The following KANK1 variants were observed in gnomAD, a reference collection of about 807,000 sequenced individuals.
KANK1 encodes the protein KN motif and ankyrin repeat domain-containing protein 1.
KANK1 carries 109 observed loss-of-function variants against 106.2 expected under a neutral mutation model. That is an observed-to-expected ratio of 1.03 (90% CI 0.88 to 1.20). KANK1 has a LOEUF of 1.20. KANK1 is among the 50% of genes most tolerant of loss of function. KANK1 has a pLI of 0.00. For missense variants in KANK1, 2,399 were observed against 1,710.7 expected (o/e 1.40, Z -7.10); for synonymous variants, 873 against 652.2 (o/e 1.34, Z -5.16).
At chr9:705,392 A>G (rs1022802540) in intron 2 of KANK1, among the ~76,000 whole-genome samples, 14 of 152,134 alleles carry the variant, frequency 9.2e-5, no homozygotes, top group African/African-American at 3.4e-4. Flanking sequence ...AGGACGAGGC[A>G]GGAGAATCCC....
At chr9:587,691 C>A (rs1447285272) in intron 1 of KANK1, among the ~76,000 whole-genome samples, 3 of 152,138 alleles carry the variant, frequency 2.0e-5, no homozygotes, top group Non-Finnish European at 4.4e-5. Context: ...AAGCTAAATA[C>A]CAAGCATTTT....
At position 678,397 on chromosome 9, in the gene KANK1, T is replaced by C. The variant is rs140410808; in HGVS notation, c.37+1388T>C. On this transcript the variant is annotated intron_variant, in intron 2 of 11. Transcript: ENST00000382297. ...TACTGTCATCATCATCCCTATGTAA[T>C]GTCACAGAGAAGTTCAGGGACTTAC... 3.7e-3 allele frequency among the ~76,000 whole-genome samples: 567 copies of C among 152,250 alleles called. 9 individuals are homozygous for C. The highest frequency in any genetic ancestry group is 0.013 in the African/African-American group (552 of 41,518).
chr9:662,142 G>A (rs1843468659), intron 1 of KANK1, among the ~76,000 whole-genome samples: 2 of 152,032 alleles, frequency 1.3e-5, no homozygotes, highest in Non-Finnish European at 2.9e-5. Flanking sequence ...CCTCTTCAAG[G>A]AGAAGTACAA....
chr9:636,272 T>C (rs948900820), intron 1 of KANK1, among the ~76,000 whole-genome samples: 11 of 152,178 alleles, frequency 7.2e-5, no homozygotes, highest in Admixed American at 7.2e-4. Context: ...CTGAGAATTA[T>C]CAGAATAATT....
chr9:575,527 C>G (rs924239229), intron 1 of KANK1, among the ~76,000 whole-genome samples: 1 of 147,544 alleles, frequency 6.8e-6, no homozygotes, highest in Non-Finnish European at 1.5e-5. Context: ...AAAAAAAAAG[C>G]CAGGAATGGT....
At chr9:693,907 G>C in intron 2 of KANK1, 1 of 785,076 alleles carries the variant, frequency 1.3e-6, no homozygotes, top group Non-Finnish European at 1.5e-6. Flanking sequence ...CTTCAAGCTA[G>C]AAAGAATAAC....
At chr9:649,615 T>G (rs1009161411) in intron 1 of KANK1, among the ~76,000 whole-genome samples, 6 of 152,336 alleles carry the variant, frequency 3.9e-5, no homozygotes, top group South Asian at 2.1e-4. Flanking sequence ...GTTTGTTCAC[T>G]GTGGCACAGA....
At chr9:500,996 A>G (rs1450113457), upstream of KANK1, among the ~76,000 whole-genome samples, 1 of 152,192 alleles carries the variant, frequency 6.6e-6, no homozygotes, top group Non-Finnish European at 1.5e-5. Flanking sequence ...CTTCCTCCAA[A>G]GCTATACTGA....
intron 1 of KANK1, among the ~76,000 whole-genome samples, chr9:539,280 T>TA (rs2060463185): frequency 6.6e-6 from 1 of 152,210 alleles, no homozygotes; most frequent in African/African-American, 2.4e-5. Flanking sequence ...TTTTCCGCTG[T>TA]AAAAAATTAC....
At chr9:730,000 GCTTTTTCAGTC>G (rs1564098275) in intron 3 of KANK1, 40 bp from the exon 4 acceptor site, 61 of 1,503,908 alleles carry the variant, frequency 4.1e-5, no homozygotes, top group Non-Finnish European at 5.6e-5. Flanking sequence ...GTTGAAGCCT[GCTTTTTCAGTC>G]CTAGCATCAC....
chr9:586,399 T>A (rs2135431969), intron 1 of KANK1, among the ~76,000 whole-genome samples: 1 of 152,272 alleles, frequency 6.6e-6, no homozygotes. Context: ...AGGCTCTTGT[T>A]ATAAACAGAT....
intron 3 of KANK1, among the ~76,000 whole-genome samples, chr9:728,165 C>G (rs758278948): frequency 1.3e-5 from 2 of 152,084 alleles, no homozygotes; most frequent in Admixed American, 1.3e-4. Flanking sequence ...AAATATATTT[C>G]TTCGATGTAT....
intron 2 of KANK1, among the ~76,000 whole-genome samples, chr9:686,503 G>A (rs1425364093): frequency 6.6e-6 from 1 of 152,134 alleles, no homozygotes. Context: ...CTAGGGTGGA[G>A]ACCTGGAAGT....
intron 2 of KANK1, among the ~76,000 whole-genome samples, chr9:686,355 C>T (rs961848567): frequency 6.6e-6 from 1 of 152,164 alleles, no homozygotes; most frequent in Non-Finnish European, 1.5e-5. Context: ...GCTGTGAGGA[C>T]AAAGACTGGT....
intron 1 of KANK1, among the ~76,000 whole-genome samples, chr9:629,488 T>C (rs1835159414): frequency 6.6e-6 from 1 of 152,228 alleles, no homozygotes; most frequent in South Asian, 2.1e-4. Flanking sequence ...TCTGCTCAGA[T>C]ACATTATTAG....
intron 1 of KANK1, among the ~76,000 whole-genome samples, chr9:604,770 C>T (rs1231670711): frequency 6.6e-6 from 1 of 151,838 alleles, no homozygotes; most frequent in Non-Finnish European, 1.5e-5. Flanking sequence ...ATGGAGGTTA[C>T]AGTGAGCCAA....
intron 2 of KANK1, among the ~76,000 whole-genome samples, chr9:694,374 T>C (rs1183427131): frequency 2.8e-4 from 42 of 152,252 alleles, no homozygotes; most frequent in Admixed American, 2.7e-3. Flanking sequence ...ATGTTACTTT[T>C]GAAGAAAGTT....
chr9:660,549 C>T (rs9408657), intron 1 of KANK1, among the ~76,000 whole-genome samples: 90,314 of 151,940 alleles, frequency 0.59, 28,732 homozygotes, highest in East Asian at 0.88. Flanking sequence ...AAGCAGTAGG[C>T]GCCTGGCAGT....
At chr9:481,864 T>TGAAC (rs2058210861) in intron 3 of KANK1, among the ~76,000 whole-genome samples, 1 of 150,198 alleles carries the variant, frequency 6.7e-6, no homozygotes, top group South Asian at 2.1e-4. Context: ...AAATAAAGGA[T>TGAAC]GAACATTCAG....
Sources: gnomAD v4.1 joint callset for allele counts (sites outside exome capture counted in the v4.1 genomes callset) on GRCh38, gnomAD v4.1.1 for gene constraint, MANE v1.5 for transcripts, NCBI Gene and HGNC (gene_info 2026-07-23, HGNC 2026-07-21) for gene names.